C5orf15: variants seen among roughly 807,000 people sequenced by gnomAD.
The protein encoded by C5orf15 is keratinocyte-associated transmembrane protein 2.
C5orf15 carries 10 observed loss-of-function variants against 17.8 expected under a neutral mutation model. That is an observed-to-expected ratio of 0.56 (90% CI 0.35 to 0.95). C5orf15 has a LOEUF of 0.95. C5orf15 is among the 40% of genes least tolerant of loss of function. The probability of loss-of-function intolerance (pLI) is 0.02; values close to 1 mark genes in which losing one functional copy is unlikely to be tolerated. For missense variants in C5orf15, 319 were observed against 331.7 expected, an observed-to-expected ratio of 0.96 and a Z score of 0.30; for synonymous variants, 124 against 131.0, an observed-to-expected ratio of 0.95 and a Z score of 0.36.
In C5orf15 at chr5:133,956,938, G is replaced by C; in HGVS notation, c.719C>G (p.Thr240Arg). 1 of 1,611,702 alleles carries C rather than the reference G, an allele frequency of 6.2e-7. No individual in the cohort carries two copies. The highest frequency in any genetic ancestry group is 8.5e-7 in the Non-Finnish European group (1 of 1,179,488). ...RKWRDGLCSK[T>R]VEYHRLDQNV... ...CTGATCTAGGCGATGGTATTCCACTGTTTTGGAACAAAGGCCATCACGCCA... is the reference window on the plus strand; with the variant it reads ...CTGATCTAGGCGATGGTATTCCACTCTTTTGGAACAAAGGCCATCACGCCA... Residue 240 changes from threonine to arginine, a missense_variant, in exon 3 of 3, where the codon ACA becomes AGA. Around this residue, in one of 3 missense-constraint regions of C5orf15, gnomAD observed 175 missense variants for 192.4 expected, o/e 0.91. Coordinates refer to ENST00000231512, the MANE Select transcript of C5orf15 (RefSeq NM_020199.3).
intron 2 of C5orf15, among the ~76,000 whole-genome samples, chr5:133,958,597 A>AC (rs1561574019): frequency 6.7e-6 from 1 of 148,686 alleles, no homozygotes; most frequent in Non-Finnish European, 1.5e-5. Flanking sequence ...AAAAAAAAAA[A>AC]AAAAAAACTC....
chr5:133,958,474 G>A (rs1455216573), intron 2 of C5orf15, among the ~76,000 whole-genome samples: 3 of 151,078 alleles, frequency 2.0e-5, no homozygotes, highest in African/African-American at 7.3e-5. Context: ...TTACTCAAGA[G>A]GCTGAGCCAT....
At chr5:133,959,394 CT>C (rs1159512933) in intron 2 of C5orf15, 99 bp downstream of exon 2, 56 of 741,602 alleles carry the variant, frequency 7.6e-5, no homozygotes, top group Middle Eastern at 3.0e-4. Context: ...ACCCACTACA[CT>C]TTTTTTTGCA....
intron 2 of C5orf15, 89 bp from the exon 3 acceptor site, chr5:133,957,079 G>T: frequency 8.7e-7 from 1 of 1,149,902 alleles, no homozygotes; most frequent in Non-Finnish European, 1.2e-6. Flanking sequence ...TCTCTTCTAG[G>T]TTTCTAAATA....
chr5:133,963,908 A>G (rs1423632156), intron 1 of C5orf15, among the ~76,000 whole-genome samples: 1 of 152,216 alleles, frequency 6.6e-6, no homozygotes, highest in Non-Finnish European at 1.5e-5. Flanking sequence ...ATACCATAGA[A>G]TATTACTCAG....
In C5orf15 at chr5:133,968,478, G is replaced by A. The variant is rs1752228835; in HGVS notation, c.107C>T (p.Ala36Val). 1.9e-6 allele frequency: 3 copies of A among 1,603,690 alleles called. No individual in the cohort carries two copies. The highest frequency in any genetic ancestry group is 2.7e-5 in the African/African-American group (2 of 74,760). ...TAGAGCGGCGGACACAAGCAGGAGC[G>A]CCAAGACCAGCGGCCGCGCCAACCC... The part of the protein sequence containing the change: ...LVGLARPLVL[A>V]LLLVSAALSS... The change falls in exon 1 of 3, where the codon GCG (alanine) becomes GTG (valine). Residue 36 changes from alanine to valine, a missense_variant. Transcript: ENST00000231512.
chr5:133,964,134 T>C lies in C5orf15; in HGVS notation c.140-4114A>G, dbSNP rs548379164. Among the ~76,000 whole-genome samples, 9 of 152,276 alleles carry C rather than the reference T, an allele frequency of 5.9e-5. No individual in the cohort carries two copies. In the East Asian group the frequency reaches 1.7e-3, roughly 29 times the overall value. ...CTGGAGGCTGAGACAGGAGAACTGC[T>C]TGAACCTGGGAGGCGGAGGTTGCAG... On this transcript the variant is annotated intron_variant, in intron 1 of 2. Transcript: ENST00000231512.
rs756098993 is a variant in C5orf15, at chr5:133,968,568, G to A, written c.17C>T (p.Pro6Leu). The change falls in exon 1 of 3, where the codon CCG (proline) becomes CTG (leucine). Residue 6 changes from proline (P) to leucine (L), a missense_variant. Pro to Leu is a moderately conservative substitution (Grantham distance 98). Around this residue, in one of 3 missense-constraint regions of C5orf15, gnomAD observed 127 missense variants for 95.6 expected, o/e 1.33. Transcript: ENST00000231512. MAAAV[P>L]KRMRGPAQAK... Reference sequence around the variant, plus strand: ...TTGTGCTGGCCCCCTCATCCTCTTCGGGACGGCAGCGGCCATAACGGACTC... The same window carrying A: ...TTGTGCTGGCCCCCTCATCCTCTTCAGGACGGCAGCGGCCATAACGGACTC... 18 of 1,609,306 alleles carry A rather than the reference G, an allele frequency of 1.1e-5. No individual in the cohort carries two copies. The highest frequency in any genetic ancestry group is 2.7e-5 in the African/African-American group (2 of 74,886).
intron 2 of C5orf15, among the ~76,000 whole-genome samples, chr5:133,957,397 C>T (rs1752055690): frequency 6.6e-6 from 1 of 151,900 alleles, no homozygotes; most frequent in South Asian, 2.1e-4. Context: ...TTTTGCTTTC[C>T]ATCTTGTAAA....
intron 1 of C5orf15, among the ~76,000 whole-genome samples, chr5:133,967,161 T>C (rs1214805212): frequency 2.0e-5 from 3 of 152,246 alleles, no homozygotes; most frequent in Non-Finnish European, 4.4e-5. Context: ...TTAAGTACTT[T>C]AGGAACGGGA....
intron 1 of C5orf15, among the ~76,000 whole-genome samples, chr5:133,965,745 G>A (rs960020536): frequency 6.6e-6 from 1 of 152,082 alleles, no homozygotes; most frequent in African/African-American, 2.4e-5. Flanking sequence ...GGCCAACATG[G>A]CAAAACCCCA....
rs71581378 is a variant in C5orf15, at chr5:133,958,576, C to CAAAAAAAAA, written c.666+909_666+917dup. 1.6e-3 allele frequency among the ~76,000 whole-genome samples: 52 copies of CAAAAAAAAA among 31,982 alleles called. 2 individuals are homozygous for CAAAAAAAAA. The highest frequency in any genetic ancestry group is 4.1e-3 in the African/African-American group (52 of 12,668). 21.0% of individuals were successfully genotyped at this position (31,982 alleles called of 152,430 possible). A position where few individuals can be genotyped will look rare whatever the true frequency, so the allele number is the denominator to read the frequency against. On this transcript the variant is annotated intron_variant, in intron 2 of 2. Transcript: ENST00000231512. ...TGGGAGACAAAGTGAAGCTCTGTCTCAAAAAAAAAAAAAAAAAAAAAAAAA... is the reference window on the plus strand; with the variant it reads ...TGGGAGACAAAGTGAAGCTCTGTCTCAAAAAAAAAAAAAAAAAAAAAAAAAAAAAAAAAA...
At chr5:133,961,350 C>G (rs1216565641) in intron 1 of C5orf15, among the ~76,000 whole-genome samples, 1 of 150,818 alleles carries the variant, frequency 6.6e-6, no homozygotes, top group Non-Finnish European at 1.5e-5. Flanking sequence ...TCGAGACCAT[C>G]CTGGCTAACA....
intron 1 of C5orf15, among the ~76,000 whole-genome samples, chr5:133,960,346 C>A (rs1752106058): frequency 6.6e-6 from 1 of 152,188 alleles, no homozygotes; most frequent in African/African-American, 2.4e-5. Context: ...CCTCACCCAT[C>A]CCCTCTGTTT....
intron 1 of C5orf15, among the ~76,000 whole-genome samples, chr5:133,960,527 G>C (rs548580081): frequency 6.6e-6 from 1 of 152,304 alleles, no homozygotes; most frequent in Non-Finnish European, 1.5e-5. Flanking sequence ...CTATAGGCAT[G>C]CTGTAGATAG....
Position 133,955,629 on chromosome 5 carries a change from C to G in C5orf15, c.*1230G>C, listed in dbSNP as rs982595744. 16 of 152,572 alleles carry G rather than the reference C, an allele frequency of 1.0e-4. No individual in the cohort carries two copies. Among genetic ancestry groups the G allele is most frequent in the African/African-American group, 3.9e-4 (16 of 41,428 alleles). The allele number at this position is 152,572 out of a possible 1,614,324, so 9.5% of individuals were successfully genotyped here. On this transcript the variant is annotated 3_prime_UTR_variant, in exon 3 of 3. Transcript: ENST00000231512. ...TCAGGGGTATTTCCATTGTGCTTCC[C>G]TTCCCTATTAGGAAAGTACACTGTC... is the stretch of plus-strand genomic sequence containing the variant.
intron 1 of C5orf15, among the ~76,000 whole-genome samples, chr5:133,961,882 T>C (rs937503297): frequency 2.6e-5 from 4 of 151,898 alleles, no homozygotes; most frequent in Non-Finnish European, 2.9e-5. Flanking sequence ...GGGATTACAG[T>C]AAAACTCTTA....
intron 1 of C5orf15, among the ~76,000 whole-genome samples, chr5:133,963,338 T>C (rs963018442): frequency 1.3e-5 from 2 of 152,198 alleles, no homozygotes; most frequent in Non-Finnish European, 2.9e-5. Context: ...TCTAGACTCA[T>C]AAATCCAACC....
chr5:133,962,212 C>A (rs1274861408), intron 1 of C5orf15, among the ~76,000 whole-genome samples: 3 of 152,162 alleles, frequency 2.0e-5, no homozygotes, highest in Non-Finnish European at 1.5e-5. Flanking sequence ...AGGACACAAG[C>A]TGATAGGGTG....
Sources: gnomAD v4.1 joint callset for allele counts (sites outside exome capture counted in the v4.1 genomes callset) on GRCh38, gnomAD v4.1.1 for gene constraint, gnomAD v4.1.1 regional missense constraint, MANE v1.5 for transcripts, NCBI Gene and HGNC (gene_info 2026-07-23, HGNC 2026-07-21) for gene names.